UBE2F: variants seen among roughly 807,000 people sequenced by gnomAD.
UBE2F encodes ubiquitin conjugating enzyme E2 F (putative).
A neutral mutation model predicts 29.6 loss-of-function variants in UBE2F; 5 were observed. The ratio of observed to expected loss-of-function variants is 0.17; its 90% CI spans 0.09 to 0.36. UBE2F has a LOEUF of 0.36. Among genes scored for constraint, UBE2F ranks in the 10% least tolerant of loss-of-function variants. The probability of loss-of-function intolerance (pLI) is 1.00; values close to 1 mark genes in which losing one functional copy is unlikely to be tolerated. For missense variants in UBE2F, 141 were observed against 228.5 expected (o/e 0.62, Z 2.47); for synonymous variants, 66 against 81.8 (o/e 0.81, Z 1.04).
chr2:238,022,175 CTTTT>C, intron 5 of UBE2F, among the ~76,000 whole-genome samples: 1 of 63,360 alleles, frequency 1.6e-5, no homozygotes, highest in Middle Eastern at 7.6e-3. Context: ...CTTTTCTTTT[CTTTT>C]TTTTTTTGGA....
At chr2:237,980,322 A>G (rs1230132913) in intron 2 of UBE2F, among the ~76,000 whole-genome samples, 2 of 152,196 alleles carry the variant, frequency 1.3e-5, no homozygotes, top group African/African-American at 4.8e-5. Context: ...TGGCCTAAAC[A>G]ATAGGCATGT....
chr2:238,025,828 G>A (rs1452572522), intron 6 of UBE2F, among the ~76,000 whole-genome samples: 8 of 152,188 alleles, frequency 5.3e-5, no homozygotes, highest in Admixed American at 5.2e-4. Context: ...ACGACCTTGG[G>A]CACTTGTATT....
chr2:237,978,614 A>G (rs534570363), intron 2 of UBE2F, among the ~76,000 whole-genome samples: 25 of 152,290 alleles, frequency 1.6e-4, no homozygotes, highest in African/African-American at 6.0e-4. Context: ...CAGCATCCTC[A>G]GTCCAGTTCT....
intron 4 of UBE2F, among the ~76,000 whole-genome samples, chr2:238,001,902 A>G (rs961685992): frequency 1.2e-4 from 18 of 152,182 alleles, no homozygotes; most frequent in African/African-American, 4.3e-4. Flanking sequence ...TGAAATTTTA[A>G]TTTATAAAAA....
chr2:238,027,088 T>C (rs2064450602), intron 6 of UBE2F, among the ~76,000 whole-genome samples: 1 of 152,220 alleles, frequency 6.6e-6, no homozygotes, highest in Admixed American at 6.5e-5. Flanking sequence ...GGAAGCTCTC[T>C]TGTCCCTTTT....
At chr2:238,028,394 C>T (rs954622873) in intron 6 of UBE2F, among the ~76,000 whole-genome samples, 7 of 152,338 alleles carry the variant, frequency 4.6e-5, no homozygotes, top group African/African-American at 1.7e-4. Flanking sequence ...AGGCATTCAA[C>T]AAATAAATGA....
chr2:238,010,600 C>T (rs909681885), intron 4 of UBE2F, among the ~76,000 whole-genome samples: 4 of 152,222 alleles, frequency 2.6e-5, no homozygotes, highest in Non-Finnish European at 4.4e-5. Context: ...TTGTCTCTGG[C>T]TGCCTGTCCT....
intron 6 of UBE2F, among the ~76,000 whole-genome samples, chr2:238,026,431 G>GATCCCTTTCT (rs1274981274): frequency 6.6e-6 from 1 of 151,960 alleles, no homozygotes; most frequent in African/African-American, 2.4e-5. Flanking sequence ...CTTACCTCAG[G>GATCCCTTTCT]ATCCCTTTCT....
intron 5 of UBE2F, among the ~76,000 whole-genome samples, chr2:238,020,022 C>G (rs1344971159): frequency 2.0e-5 from 3 of 152,156 alleles, no homozygotes; most frequent in African/African-American, 4.8e-5. Context: ...GGGGCAACTT[C>G]TAGGGGCCAG....
intron 2 of UBE2F, among the ~76,000 whole-genome samples, chr2:237,981,984 A>G (rs1285536196): frequency 6.6e-6 from 1 of 152,192 alleles, no homozygotes; most frequent in African/African-American, 2.4e-5. Context: ...GGTCAAGGTT[A>G]GGGCTGGGGC....
intron 4 of UBE2F, among the ~76,000 whole-genome samples, chr2:237,999,591 A>C (rs1337333111): frequency 3.9e-5 from 6 of 152,140 alleles, no homozygotes; most frequent in Non-Finnish European, 5.9e-5. Context: ...TACTTTATCT[A>C]TCTAGATATC....
intron 8 of UBE2F, among the ~76,000 whole-genome samples, chr2:238,034,607 G>T (rs1379157477): frequency 6.6e-6 from 1 of 152,090 alleles, no homozygotes; most frequent in Non-Finnish European, 1.5e-5. Flanking sequence ...GAAATTCTGT[G>T]TGTCTGATAA....
intron 1 of UBE2F, among the ~76,000 whole-genome samples, chr2:237,968,338 G>T (rs80118729): frequency 6.6e-6 from 1 of 152,126 alleles, no homozygotes; most frequent in African/African-American, 2.4e-5. Context: ...CGTAAAAGGG[G>T]CTGGGCTCCA....
intron 4 of UBE2F, among the ~76,000 whole-genome samples, chr2:238,001,693 G>A (rs528739093): frequency 6.6e-5 from 10 of 152,018 alleles, no homozygotes; most frequent in East Asian, 2.0e-4. Flanking sequence ...GGTGGCGGGC[G>A]CCTGTAGTCC....
intron 6 of UBE2F, among the ~76,000 whole-genome samples, chr2:238,025,800 G>A (rs2064413601): frequency 1.3e-5 from 2 of 152,208 alleles, no homozygotes; most frequent in Admixed American, 1.3e-4. Context: ...GAGAAAAAAT[G>A]TAGATGGCAG....
At chr2:238,019,233 G>A (rs1015009163) in intron 5 of UBE2F, among the ~76,000 whole-genome samples, 5 of 152,098 alleles carry the variant, frequency 3.3e-5, no homozygotes, top group Admixed American at 6.5e-5. Flanking sequence ...CATAAATGAT[G>A]GGCTGGTCAG....
At chr2:238,015,410 G>C (rs1208125460) in intron 4 of UBE2F, among the ~76,000 whole-genome samples, 2 of 152,102 alleles carry the variant, frequency 1.3e-5, no homozygotes, top group African/African-American at 2.4e-5. Context: ...AAACCTAAAT[G>C]ACCAATAATC....
In UBE2F at chr2:237,982,499, A is replaced by G. The variant is rs2063401071; in HGVS notation, c.119-5464A>G. ...GTCGCTTACCATGCCGTCTGGACAC[A>G]TTTCTAAATTCCCGTAGGAAAAGCT... On this transcript the variant is annotated intron_variant, in intron 2 of 9. Coordinates refer to ENST00000272930, the MANE Select transcript of UBE2F (RefSeq NM_080678.3). The surrounding 1 kb of genome is among the most constrained non-coding windows in gnomAD (Gnocchi z 4.1). 6.6e-6 allele frequency among the ~76,000 whole-genome samples: 1 copy of G among 152,062 alleles called. No homozygotes were observed. The highest frequency in any genetic ancestry group is 6.6e-5 in the Admixed American group (1 of 15,258).
intron 2 of UBE2F, chr2:237,986,074 A>G: frequency 3.3e-6 from 1 of 299,250 alleles, no homozygotes; most frequent in Non-Finnish European, 6.6e-6. Flanking sequence ...TATTTTAGAT[A>G]TTAATCTGTT....
Sources: gnomAD v4.1 joint callset for allele counts (sites outside exome capture counted in the v4.1 genomes callset) on GRCh38, gnomAD v4.1.1 for gene constraint, Gnocchi (gnomAD v3.1) non-coding constraint, MANE v1.5 for transcripts, NCBI Gene and HGNC (gene_info 2026-07-23, HGNC 2026-07-21) for gene names.